The following FMNL2 variants were observed in gnomAD, a reference collection of about 807,000 sequenced individuals.
The protein encoded by FMNL2 is formin-like protein 2.
In FMNL2, 51 loss-of-function variants were observed where a neutral mutation model predicts 130.2. The ratio of observed to expected loss-of-function variants is 0.39; its 90% CI spans 0.31 to 0.49. The LOEUF (loss-of-function observed/expected upper bound fraction) is 0.49, where lower values mean the gene tolerates loss of function less well. FMNL2 is among the 20% of genes least tolerant of loss of function. The pLI is 0.85. For missense variants in FMNL2, 977 were observed against 1,316.2 expected, an observed-to-expected ratio of 0.74 and a Z score of 3.99; for synonymous variants, 465 against 467.1, an observed-to-expected ratio of 1.00 and a Z score of 0.06.
Position 152,399,159 on chromosome 2 carries a change from G to C in FMNL2, c.117+63439G>C, listed in dbSNP as rs998765588. On this transcript the variant is annotated intron_variant, in intron 1 of 25. Coordinates refer to ENST00000288670, the MANE Select transcript of FMNL2 (RefSeq NM_052905.4). ...GTGCTGGGATCCCAGACCTGAGGTCGGGTTTGAGAGTGAGGCTTCCTCTGC... is the reference window on the plus strand; with the variant it reads ...GTGCTGGGATCCCAGACCTGAGGTCCGGTTTGAGAGTGAGGCTTCCTCTGC... Among the ~76,000 whole-genome samples, 8 of 152,334 alleles carry C rather than the reference G, an allele frequency of 5.3e-5. No homozygotes were observed. In the South Asian group the frequency reaches 1.5e-3, roughly 28 times the overall value.
chr2:152,562,772 C>A lies in FMNL2; in HGVS notation c.596+1737C>A, dbSNP rs144731805. The stretch of plus-strand genomic sequence containing the variant: ...AAAGGCTAATTGTCTGAAGAATTTC[C>A]TGATCACCTTGGAAATTCAGGATGA... On this transcript the variant is annotated intron_variant, in intron 6 of 25. Coordinates refer to ENST00000288670, the MANE Select transcript of FMNL2 (RefSeq NM_052905.4). Among the ~76,000 whole-genome samples the A allele has an allele frequency of 1.1e-4, 17 of 152,262 alleles. No individual in the cohort carries two copies. In the East Asian group the frequency reaches 2.9e-3, roughly 26 times the overall value.
intron 9 of FMNL2, among the ~76,000 whole-genome samples, chr2:152,603,399 GT>G (rs138427461): frequency 0.011 from 1,448 of 135,152 alleles, 20 homozygotes; most frequent in African/African-American, 0.031. Context: ...ATTTAAGTCT[GT>G]TTTTTTTTTT....
At chr2:152,627,102 G>A (rs752105844) in intron 17 of FMNL2, among the ~76,000 whole-genome samples, 47 of 152,200 alleles carry the variant, frequency 3.1e-4, no homozygotes, top group African/African-American at 1.0e-3. Flanking sequence ...GTTAAGAAAA[G>A]GTAGAAAATG....
intron 22 of FMNL2, among the ~76,000 whole-genome samples, chr2:152,637,285 G>T (rs1682699534): frequency 6.6e-6 from 1 of 152,198 alleles, no homozygotes. Flanking sequence ...TTTTGTATGT[G>T]GGGTGTGTGC....
At chr2:152,477,241 A>T (rs901166087) in intron 1 of FMNL2, among the ~76,000 whole-genome samples, 3 of 152,216 alleles carry the variant, frequency 2.0e-5, no homozygotes, top group Non-Finnish European at 4.4e-5. Context: ...CTAGCTGCTG[A>T]AATCTATAAA....
At chr2:152,568,218 G>GTTTTTTTTTTTTT (rs1177965681) in intron 6 of FMNL2, among the ~76,000 whole-genome samples, 36 of 34,852 alleles carry the variant, frequency 1.0e-3, no homozygotes, top group African/African-American at 2.9e-3. Context: ...ATTTTGGTGG[G>GTTTTTTTTTTTTT]TTTTTTTTTT....
chr2:152,490,617 T>TGTGTGTGTGTGTGTGTG (rs1185966265), intron 1 of FMNL2, among the ~76,000 whole-genome samples: 2 of 34,292 alleles, frequency 5.8e-5, no homozygotes, highest in South Asian at 9.3e-4. Context: ...GTGTGTGTGT[T>TGTGTGTGTGTGTGTGTG]GGATAAACTT....
intron 4 of FMNL2, among the ~76,000 whole-genome samples, chr2:152,552,556 A>G (rs1380213549): frequency 6.6e-6 from 1 of 152,230 alleles, no homozygotes; most frequent in Non-Finnish European, 1.5e-5. Flanking sequence ...GTTTTGATAT[A>G]AGCCTAAAAC....
At chr2:152,642,793 A>AG (rs1229923593) in intron 25 of FMNL2, among the ~76,000 whole-genome samples, 4 of 152,162 alleles carry the variant, frequency 2.6e-5, no homozygotes, top group Non-Finnish European at 5.9e-5. Context: ...GGATCACTTG[A>AG]GATCAGGACT....
At chr2:152,603,831 CAGTT>C (rs1465718196) in intron 9 of FMNL2, among the ~76,000 whole-genome samples, 3 of 150,870 alleles carry the variant, frequency 2.0e-5, no homozygotes, top group Admixed American at 6.6e-5. Context: ...TTGTGTTGCT[CAGTT>C]AGAAGTTGAA....
chr2:152,525,955 A>T (rs1693364621), intron 2 of FMNL2, among the ~76,000 whole-genome samples: 1 of 152,196 alleles, frequency 6.6e-6, no homozygotes, highest in Admixed American at 6.5e-5. Context: ...GTGGTCAAAT[A>T]CTATTTCTTT....
intron 9 of FMNL2, among the ~76,000 whole-genome samples, chr2:152,583,072 A>G (rs1040350351): frequency 2.0e-5 from 3 of 152,212 alleles, no homozygotes; most frequent in African/African-American, 7.2e-5. Flanking sequence ...TCAGACTTAT[A>G]TATGCTTTAG....
intron 1 of FMNL2, among the ~76,000 whole-genome samples, chr2:152,347,534 T>G (rs1173885837): frequency 6.6e-6 from 1 of 152,174 alleles, no homozygotes. Context: ...AAAGCATGAA[T>G]GGGGAGGGAT....
intron 1 of FMNL2, among the ~76,000 whole-genome samples, chr2:152,458,187 A>C (rs1361970780): frequency 6.6e-6 from 1 of 152,198 alleles, no homozygotes. Context: ...GTGGCTCTCT[A>C]ACCCAGTTGA....
At chr2:152,572,471 T>C (rs75004684) in intron 6 of FMNL2, among the ~76,000 whole-genome samples, 1,972 of 152,192 alleles carry the variant, frequency 0.013, 21 homozygotes, top group Non-Finnish European at 0.023. Context: ...CTGTTGCTGT[T>C]TTAGGGTCAG....
intron 1 of FMNL2, among the ~76,000 whole-genome samples, chr2:152,515,081 G>T (rs1172251917): frequency 6.6e-6 from 1 of 152,024 alleles, no homozygotes; most frequent in African/African-American, 2.4e-5. Flanking sequence ...TGCAGCCCAG[G>T]TGGCCCATCT....
chr2:152,646,845 A>G (rs1008976922), intron 25 of FMNL2, among the ~76,000 whole-genome samples: 1 of 152,248 alleles, frequency 6.6e-6, no homozygotes, highest in African/African-American at 2.4e-5. Context: ...CCCTGACTTC[A>G]TCAAAGGGAG....
chr2:152,429,381 G>A (rs1687375514), intron 1 of FMNL2, among the ~76,000 whole-genome samples: 2 of 152,162 alleles, frequency 1.3e-5, no homozygotes, highest in Non-Finnish European at 2.9e-5. Context: ...GGGTCTAGCT[G>A]TGGGAAGTGG....
intron 1 of FMNL2, among the ~76,000 whole-genome samples, chr2:152,501,579 G>T (rs2105324805): frequency 6.6e-6 from 1 of 152,302 alleles, no homozygotes; most frequent in Admixed American, 6.5e-5. Context: ...AAATCCCCCA[G>T]GATGTCCACG....
Sources: allele counts gnomAD v4.1 joint callset (sites outside exome capture counted in the v4.1 genomes callset), GRCh38; gene constraint gnomAD v4.1.1; transcripts MANE v1.5; gene names NCBI Gene and HGNC (gene_info 2026-07-23, HGNC 2026-07-21).